The following ESYT2 variants were observed in gnomAD, a reference collection of about 807,000 sequenced individuals.
ESYT2 encodes extended synaptotagmin 2, also known as extended synaptotagmin-2.
A neutral mutation model predicts 107.2 loss-of-function variants in ESYT2; 54 were observed. The observed-to-expected ratio is 0.50, with a 90% CI of 0.40 to 0.63. ESYT2 has a LOEUF of 0.63. ESYT2 is among the 30% of genes least tolerant of loss of function. The pLI, the probability that ESYT2 is intolerant of heterozygous loss-of-function variation, is 0.00. For synonymous variants in ESYT2, 491 were observed against 434.1 expected, an observed-to-expected ratio of 1.13 and a Z score of -1.63; for missense variants, 1,020 against 1,094.5, an observed-to-expected ratio of 0.93 and a Z score of 0.96.
chr7:158,809,487 A>C (rs1467979716), intron 1 of ESYT2, among the ~76,000 whole-genome samples: 3 of 149,954 alleles, frequency 2.0e-5, no homozygotes, highest in Admixed American at 6.6e-5. Flanking sequence ...AAAAAAAAAA[A>C]AAAAAAAAAA....
chr7:158,804,506 CTG>C (rs1563031848), intron 1 of ESYT2, among the ~76,000 whole-genome samples: 3 of 141,618 alleles, frequency 2.1e-5, no homozygotes, highest in African/African-American at 8.0e-5. Context: ...CAAACCCAAA[CTG>C]CTGAGAAAAG....
intron 20 of ESYT2, 143 bp downstream of exon 20, chr7:158,736,905 G>T: frequency 1.0e-6 from 1 of 1,002,016 alleles, no homozygotes; most frequent in Non-Finnish European, 1.5e-6. Flanking sequence ...GTTTTGAGAA[G>T]TATGTTTGCT....
chr7:158,754,386 T>A (rs1837683862), intron 13 of ESYT2, among the ~76,000 whole-genome samples: 1 of 151,956 alleles, frequency 6.6e-6, no homozygotes, highest in Admixed American at 6.6e-5. Flanking sequence ...TTTTGTATTT[T>A]TTTTTTACTA....
Position 158,735,517 on chromosome 7 carries a change from C to G in ESYT2, c.2491G>C (p.Gly831Arg). Residue 831 changes from glycine to arginine, a missense_variant, in exon 21 of 23, where the codon GGG becomes CGG. Coordinates refer to ENST00000275418, the MANE Select transcript of ESYT2 (RefSeq NM_001367773.1). The part of the protein sequence containing the change: ...NSGGFLSKDK[G>R]LLGKVLVALA... ...TTGGCACTTACTTTGCCAAGGAGCC[C>G]TTTGTCTTTGGACAGGAAGCCGCCA... 2 of 1,614,058 alleles carry G rather than the reference C, an allele frequency of 1.2e-6. No individual in the cohort carries two copies. The highest frequency in any genetic ancestry group is 1.7e-6 in the Non-Finnish European group (2 of 1,179,946).
intron 3 of ESYT2, among the ~76,000 whole-genome samples, chr7:158,796,885 G>C (rs1394545165): frequency 2.7e-5 from 4 of 149,916 alleles, no homozygotes; most frequent in African/African-American, 4.9e-5. Flanking sequence ...CAGGCGAGTG[G>C]GCAGCCGGAA....
At chr7:158,820,128 A>G (rs1563041767) in intron 1 of ESYT2, among the ~76,000 whole-genome samples, 1 of 152,204 alleles carries the variant, frequency 6.6e-6, no homozygotes, top group East Asian at 1.9e-4. Context: ...ACCATTATGG[A>G]TGGTTTGGTA....
intron 20 of ESYT2, among the ~76,000 whole-genome samples, chr7:158,736,690 A>C (rs1172776041): frequency 1.3e-5 from 2 of 152,264 alleles, no homozygotes; most frequent in Admixed American, 6.5e-5. Context: ...TTATTTAAAA[A>C]TAAAATTAAA....
intron 1 of ESYT2, among the ~76,000 whole-genome samples, chr7:158,818,102 C>T (rs763837030): frequency 1.1e-4 from 17 of 152,224 alleles, no homozygotes; most frequent in Non-Finnish European, 2.1e-4. Flanking sequence ...AGGATGTGCA[C>T]TTTCAAATCC....
intron 1 of ESYT2, among the ~76,000 whole-genome samples, chr7:158,815,468 C>T (rs930992633): frequency 6.6e-6 from 1 of 152,150 alleles, no homozygotes; most frequent in Admixed American, 6.5e-5. Context: ...CATTCAGGCA[C>T]ACTCCTTCCC....
In ESYT2 at chr7:158,741,742, G is replaced by A. The variant is rs1335241795; in HGVS notation, c.1949C>T (p.Thr650Ile). The change falls in exon 18 of 23, where the codon ACA becomes ATA. Residue 650 changes from threonine (T) to isoleucine (I), a missense_variant. Physicochemically the swap from Thr to Ile is moderately conservative, Grantham distance 89. Coordinates refer to ENST00000275418, the MANE Select transcript of ESYT2 (RefSeq NM_001367773.1). ...GPGGSNTAPS[T>I]PVIGGSDKPG... The stretch of plus-strand genomic sequence containing the variant: ...CTTATCACTGCCCCCAATGACTGGT[G>A]TGGATGGAGCTGTGTTGCTGCCACC... The A allele has an allele frequency of 6.2e-7, 1 of 1,614,114 alleles. No homozygotes were observed. The highest frequency in any genetic ancestry group is 1.3e-5 in the African/African-American group (1 of 75,030).
intron 3 of ESYT2, among the ~76,000 whole-genome samples, chr7:158,796,574 G>T (rs1584862563): frequency 6.6e-6 from 1 of 152,220 alleles, no homozygotes; most frequent in East Asian, 1.9e-4. Context: ...CTTCCGAAAA[G>T]GGCGTGCTGA....
intron 1 of ESYT2, among the ~76,000 whole-genome samples, chr7:158,825,294 A>AAAAT (rs1214964888): frequency 9.9e-5 from 15 of 152,206 alleles, no homozygotes; most frequent in South Asian, 2.1e-4. Flanking sequence ...CTCCGTCTCA[A>AAAAT]AAATAAATAA....
intron 1 of ESYT2, among the ~76,000 whole-genome samples, chr7:158,818,460 T>G (rs1035974303): frequency 2.6e-5 from 4 of 152,126 alleles, no homozygotes; most frequent in Non-Finnish European, 5.9e-5. Flanking sequence ...AGCAACAGCG[T>G]AAACAAACCA....
At chr7:158,827,845 G>A (rs1266402772) in intron 1 of ESYT2, among the ~76,000 whole-genome samples, 2 of 152,180 alleles carry the variant, frequency 1.3e-5, no homozygotes, top group Non-Finnish European at 2.9e-5. Flanking sequence ...CCTAATGGAA[G>A]AATCATTAAA....
Position 158,752,831 on chromosome 7 carries a change from C to G in ESYT2, c.1432G>C (p.Glu478Gln), listed in dbSNP as rs1170523120. Residue 478 changes from glutamate (E) to glutamine (Q), a missense_variant, in exon 14 of 23, where the codon GAA (glutamate) becomes CAA (glutamine). Physicochemically the swap from Glu to Gln is conservative, Grantham distance 29. Transcript: ENST00000275418. Reference sequence around the variant, plus strand: ...TTCTTCAAGACATCGGGGTTAAATTCTAATGGGTTACTCTTTCAAGTCAGA... The same window carrying G: ...TTCTTCAAGACATCGGGGTTAAATTGTAATGGGTTACTCTTTCAAGTCAGA... ...SARNLPSNPL[E>Q]FNPDVLKKTA... is the part of the protein sequence containing the mutation. 7.7e-7 allele frequency: 1 copy of G among 1,303,890 alleles called. No homozygotes were observed. The highest frequency in any genetic ancestry group is 1.0e-6 in the Non-Finnish European group (1 of 988,900). 80.8% of individuals were successfully genotyped at this position (1,303,890 alleles called of 1,614,324 possible). A position where few individuals can be genotyped will look rare whatever the true frequency, so the allele number is the denominator to read the frequency against.
intron 1 of ESYT2, among the ~76,000 whole-genome samples, chr7:158,825,201 G>A (rs1441893429): frequency 1.1e-4 from 17 of 152,208 alleles, no homozygotes; most frequent in Admixed American, 1.1e-3. Context: ...GCTGAGGCAG[G>A]AGAGTCGCTT....
chr7:158,761,949 C>T (rs956866980), intron 10 of ESYT2, among the ~76,000 whole-genome samples: 45 of 152,202 alleles, frequency 3.0e-4, no homozygotes, highest in African/African-American at 9.4e-4. Flanking sequence ...TATACGTTCA[C>T]TCACAACTCC....
intron 1 of ESYT2, among the ~76,000 whole-genome samples, chr7:158,805,939 C>T (rs1426921165): frequency 6.6e-6 from 1 of 152,236 alleles, no homozygotes; most frequent in African/African-American, 2.4e-5. Context: ...AAACTCTTAA[C>T]AGTGTAAAAT....
At position 158,741,677 on chromosome 7, in the gene ESYT2, G is replaced by T; in HGVS notation, c.2014C>A (p.Pro672Thr). Reference protein sequence around the residue: ...EEKAQPPEAGPQGLHDLGRSS... With the variant: ...EEKAQPPEAGTQGLHDLGRSS... ...CTGCCCAGGTCGTGCAGCCCCTGAGGGCCGGCCTCAGGGGGCTGGGCCTTT... is the reference window on the plus strand; with the variant it reads ...CTGCCCAGGTCGTGCAGCCCCTGAGTGCCGGCCTCAGGGGGCTGGGCCTTT... Residue 672 changes from proline (P) to threonine (T), a missense_variant, in exon 18 of 23, where the codon CCT (proline) becomes ACT (threonine). Physicochemically the swap from Pro to Thr is conservative, Grantham distance 38. Transcript: ENST00000275418. The T allele has an allele frequency of 1.2e-6, 2 of 1,613,970 alleles. No individual in the cohort carries two copies. Among genetic ancestry groups the T allele is most frequent in the Middle Eastern group, 3.3e-4 (2 of 6,056 alleles).
Sources: gnomAD v4.1 joint callset for allele counts (sites outside exome capture counted in the v4.1 genomes callset) on GRCh38, gnomAD v4.1.1 for gene constraint, MANE v1.5 for transcripts, NCBI Gene and HGNC (gene_info 2026-07-23, HGNC 2026-07-21) for gene names.